Variants in NTAQ1 observed in about 807,000 individuals in gnomAD.
NTAQ1 encodes the protein N-terminal glutamine amidase 1.
In NTAQ1, 21 loss-of-function variants were observed where a neutral mutation model predicts 28.2. The ratio of observed to expected loss-of-function variants is 0.74; its 90% confidence interval spans 0.53 to 1.07. The LOEUF (loss-of-function observed/expected upper bound fraction) is 1.07, where lower values mean the gene tolerates loss of function less well. Ranked by LOEUF, NTAQ1 falls within the 50% of genes least tolerant of loss-of-function variation. The pLI is 0.00. For synonymous variants in NTAQ1, 105 were observed against 90.0 expected (o/e 1.17, Z -0.94); for missense variants, 264 against 256.6 (o/e 1.03, Z -0.20).
intron 6 of NTAQ1, among the ~76,000 whole-genome samples, chr8:123,453,671 C>T (rs1815569526): frequency 6.6e-6 from 1 of 152,134 alleles, no homozygotes; most frequent in South Asian, 2.1e-4. Context: ...GGTGATCTGC[C>T]TGCTTTGGCC....
intron 5 of NTAQ1, chr8:123,438,382 G>C: frequency 1.9e-6 from 1 of 515,832 alleles, no homozygotes; most frequent in Non-Finnish European, 3.5e-6. Context: ...GGGTCTGAGC[G>C]TGGTGGCTTA....
intron 6 of NTAQ1, among the ~76,000 whole-genome samples, chr8:123,454,311 G>T (rs1477245420): frequency 1.3e-5 from 2 of 152,176 alleles, no homozygotes; most frequent in Non-Finnish European, 2.9e-5. Context: ...TCATAGTGAA[G>T]TTCTGCTATA....
At chr8:123,452,179 CA>C (rs1485223278), downstream of NTAQ1, among the ~76,000 whole-genome samples, 2 of 152,202 alleles carry the variant, frequency 1.3e-5, no homozygotes, top group African/African-American at 4.8e-5. Flanking sequence ...CCCTTTGCTC[CA>C]AGCTGACCAC....
chr8:123,427,969 C>A lies in NTAQ1; in HGVS notation c.129C>A (p.Asp43Glu). ...TCTGTGAATACATCAAAAACCATGACCAGTATCCTTTAGAAGAATGTTATG... is the reference window on the plus strand; with the variant it reads ...TCTGTGAATACATCAAAAACCATGAACAGTATCCTTTAGAAGAATGTTATG... ...WKLCEYIKNH[D>E]QYPLEECYAV... The change falls in exon 2 of 6, where the codon GAC becomes GAA. Residue 43 changes from aspartate (D) to glutamate (E), a missense_variant. Coordinates refer to ENST00000287387, the MANE Select transcript of NTAQ1 (RefSeq NM_018024.3). 1 of 1,611,014 alleles carries A rather than the reference C, an allele frequency of 6.2e-7. No homozygotes were observed. The highest frequency in any genetic ancestry group is 1.7e-4 in the Middle Eastern group (1 of 6,050).
chr8:123,441,376 A>G lies in NTAQ1; in HGVS notation c.579A>G (p.Leu193=), dbSNP rs536788885. 44 of 1,611,772 alleles carry G rather than the reference A, an allele frequency of 2.7e-5. No individual in the cohort carries two copies. In the East Asian group the frequency reaches 8.5e-4, roughly 31 times the overall value. The part of the protein sequence containing the change: ...PKVGWGAVYT[L]SEFTHRFGSK... ...TAGGATGGGGCGCCGTCTACACACT[A>G]TCCGAATTTACACATCGGTTTGGCA... Residue 193 remains leucine (L), a synonymous_variant, in exon 6 of 6, where the codon CTA becomes CTG. Coordinates refer to ENST00000287387, the MANE Select transcript of NTAQ1 (RefSeq NM_018024.3).
chr8:123,442,618 A>C (rs1815120180), downstream of NTAQ1, among the ~76,000 whole-genome samples: 1 of 150,454 alleles, frequency 6.6e-6, no homozygotes, highest in Admixed American at 6.6e-5. Flanking sequence ...AAAAGAAAAG[A>C]AACTGACATT....
intron 1 of NTAQ1, among the ~76,000 whole-genome samples, chr8:123,421,046 A>C (rs1586925434): frequency 1.3e-5 from 2 of 149,664 alleles, no homozygotes; most frequent in South Asian, 2.1e-4. Context: ...CGGCCTCCCA[A>C]AGTGCTGGGA....
chr8:123,450,343 T>G, downstream of NTAQ1, among the ~76,000 whole-genome samples: 2 of 147,756 alleles, frequency 1.4e-5, no homozygotes, highest in African/African-American at 2.5e-5. Flanking sequence ...TTCAGTGGAG[T>G]GATGGGGATG....
chr8:123,448,914 G>GA (rs1179170884), downstream of NTAQ1, among the ~76,000 whole-genome samples: 2 of 152,292 alleles, frequency 1.3e-5, no homozygotes, highest in African/African-American at 2.4e-5. Context: ...GTCCCTGAGA[G>GA]AAAATCAATG....
At chr8:123,466,587 GGCAGGA>G (rs1248904949) in intron 6 of NTAQ1, among the ~76,000 whole-genome samples, 1 of 152,220 alleles carries the variant, frequency 6.6e-6, no homozygotes, top group Non-Finnish European at 1.5e-5. Flanking sequence ...TGACACAGCA[GGCAGGA>G]GCCTGCAATT....
At chr8:123,455,465 C>T (rs935987826) in intron 6 of NTAQ1, among the ~76,000 whole-genome samples, 30 of 146,418 alleles carry the variant, frequency 2.0e-4, no homozygotes, top group Middle Eastern at 3.3e-3. Context: ...CTCCCACTCT[C>T]GCCTGGCTGG....
At chr8:123,453,983 T>G (rs1312264790) in intron 6 of NTAQ1, among the ~76,000 whole-genome samples, 4 of 152,168 alleles carry the variant, frequency 2.6e-5, no homozygotes, top group African/African-American at 9.7e-5. Flanking sequence ...TGTAATCAGA[T>G]AATGGGTCAC....
In NTAQ1 at chr8:123,426,038, A is replaced by T. The variant is rs181339446; in HGVS notation, c.84-1886A>T. Among the ~76,000 whole-genome samples the T allele has an allele frequency of 4.1e-3, 620 of 152,286 alleles. 3 individuals carry two copies. The highest frequency in any genetic ancestry group is 6.6e-3 in the Non-Finnish European group (449 of 68,018). ...GACTCCGTCCCCGCTCCCCCCTGCAAAAAAGAAACTAGGCTTTGACAGACT... is the reference window on the plus strand; with the variant it reads ...GACTCCGTCCCCGCTCCCCCCTGCATAAAAGAAACTAGGCTTTGACAGACT... On this transcript the variant is annotated intron_variant, in intron 1 of 5. Transcript: ENST00000287387.
intron 6 of NTAQ1, among the ~76,000 whole-genome samples, chr8:123,463,017 G>A (rs936778683): frequency 1.3e-5 from 2 of 152,210 alleles, no homozygotes; most frequent in African/African-American, 2.4e-5. Context: ...ACCAGGGGGA[G>A]CATTTAGTAC....
chr8:123,441,497 G>T lies in NTAQ1; in HGVS notation c.*82G>T. 1.9e-6 allele frequency: 2 copies of T among 1,061,308 alleles called. No homozygotes were observed. The highest frequency in any genetic ancestry group is 1.4e-5 in the South Asian group (1 of 69,604). The allele number at this position is 1,061,308 out of a possible 1,614,324, so 65.7% of individuals were successfully genotyped here. On this transcript the variant is annotated 3_prime_UTR_variant, in exon 6 of 6. Transcript: ENST00000287387. Reference sequence around the variant, plus strand: ...TTTCATCGAGGACAGCAAACATTATGGTACAGTTGGCTTGGAATTATGTCT... The same window carrying T: ...TTTCATCGAGGACAGCAAACATTATTGTACAGTTGGCTTGGAATTATGTCT...
intron 6 of NTAQ1, among the ~76,000 whole-genome samples, chr8:123,460,146 TA>T (rs35002417): frequency 2.0e-4 from 30 of 150,476 alleles, no homozygotes; most frequent in African/African-American, 4.4e-4. Context: ...TTGATTTCTT[TA>T]AAAAAAAAAT....
intron 1 of NTAQ1, among the ~76,000 whole-genome samples, chr8:123,420,095 C>T (rs963965602): frequency 6.6e-6 from 1 of 152,026 alleles, no homozygotes; most frequent in African/African-American, 2.4e-5. Context: ...GGCCCCATGT[C>T]TACTGTTTCC....
chr8:123,437,710 AAAAAAAAC>A lies in NTAQ1; in HGVS notation c.508+383_508+390del, dbSNP rs558406568. On this transcript the variant is annotated intron_variant, in intron 5 of 5. Coordinates refer to ENST00000287387, the MANE Select transcript of NTAQ1 (RefSeq NM_018024.3). ...AGAGTGAGACTCCATCTCAAAAAAA[AAAAAAAAC>A]AAAAAACAAAAAACAAAAAATTCCA... 8.6e-3 allele frequency among the ~76,000 whole-genome samples: 498 copies of A among 57,594 alleles called. 3 individuals are homozygous for A. Among genetic ancestry groups the A allele is most frequent in the African/African-American group, 0.03 (401 of 13,366 alleles). 37.8% of individuals were successfully genotyped at this position (57,594 alleles called of 152,430 possible). A position where few individuals can be genotyped will look rare whatever the true frequency, so the allele number is the denominator to read the frequency against.
chr8:123,475,524 A>C, the NTAQ1 span, among the ~76,000 whole-genome samples: 1 of 152,186 alleles, frequency 6.6e-6, no homozygotes, highest in Non-Finnish European at 1.5e-5. Flanking sequence ...GTATAATTTT[A>C]AATTTCTGTA....
Sources: gnomAD v4.1 joint callset for allele counts (sites outside exome capture counted in the v4.1 genomes callset) on GRCh38, gnomAD v4.1.1 for gene constraint, MANE v1.5 for transcripts, NCBI Gene and HGNC (gene_info 2026-07-23, HGNC 2026-07-21) for gene names.